PRDM9: variants seen among roughly 807,000 people sequenced by gnomAD.
PRDM9 encodes the protein histone-lysine N-methyltransferase PRDM9.
A neutral mutation model predicts 55.6 loss-of-function variants in PRDM9; 47 were observed. The observed-to-expected ratio is 0.85, with a 90% CI of 0.67 to 1.08. PRDM9 has a LOEUF of 1.08. Ranked by LOEUF, PRDM9 falls within the 50% of genes least tolerant of loss-of-function variation. The pLI, the probability that PRDM9 is intolerant of heterozygous loss-of-function variation, is 0.00. For missense variants in PRDM9, 867 were observed against 1,040.3 expected (o/e 0.83, Z 2.29); for synonymous variants, 312 against 375.7 (o/e 0.83, Z 1.96).
intron 9 of PRDM9, 42 bp from the exon 10 acceptor site, chr5:23,524,292 C>T (rs750831409): frequency 6.2e-7 from 1 of 1,601,696 alleles, no homozygotes; most frequent in South Asian, 1.1e-5. Flanking sequence ...ATACTGGGAA[C>T]TCACTGCCTC....
chr5:23,507,570 A>G (rs1337580083), upstream of PRDM9: 1 of 152,354 alleles, frequency 6.6e-6, no homozygotes. Context: ...TGGCAGCTGT[A>G]CAGCCTGGCA....
chr5:23,511,289 C>T (rs144882458), intron 4 of PRDM9, among the ~76,000 whole-genome samples: 30 of 152,278 alleles, frequency 2.0e-4, no homozygotes, highest in African/African-American at 6.0e-4. Context: ...AAATGCAAGA[C>T]AGTATATACA....
In PRDM9 at chr5:23,527,886, T is replaced by C. The variant is rs944556562; in HGVS notation, c.*113T>C. On this transcript the variant is annotated 3_prime_UTR_variant, in exon 11 of 11. Transcript: ENST00000296682. The stretch of plus-strand genomic sequence containing the variant: ...TCAGCGGAAGTCTGCTGACCCCTTA[T>C]ATTCCCCGAGAGTATAAAGAGATCG... 5.6e-5 allele frequency: 73 copies of C among 1,314,280 alleles called. No homozygotes were observed. The African/African-American group carries it at 9.8e-4, about 18-fold the overall frequency. 81.4% of individuals were successfully genotyped at this position (1,314,280 alleles called of 1,614,324 possible). A position where few individuals can be genotyped will look rare whatever the true frequency, so the allele number is the denominator to read the frequency against.
intron 5 of PRDM9, among the ~76,000 whole-genome samples, chr5:23,520,364 C>CAAAAAAAAA (rs59333354): frequency 2.2e-5 from 1 of 44,568 alleles, no homozygotes; most frequent in Admixed American, 2.4e-4. Flanking sequence ...GACTCCTTCT[C>CAAAAAAAAA]AAAAAAAAAA....
chr5:23,526,376 C>T lies in PRDM9; in HGVS notation c.1288C>T (p.Pro430Ser), dbSNP rs1579596447. 1.9e-6 allele frequency: 3 copies of T among 1,614,222 alleles called. No individual in the cohort carries two copies. The highest frequency in any genetic ancestry group is 4.5e-5 in the East Asian group (2 of 44,870). Residue 430 changes from proline to serine, a missense_variant, in exon 11 of 11, where the codon CCC becomes TCC. Around this residue, in one of 5 missense-constraint regions of PRDM9, gnomAD observed 662 missense variants for 711.9 expected, o/e 0.93. Coordinates refer to ENST00000296682, the MANE Select transcript of PRDM9 (RefSeq NM_020227.4). ...SARKLLQPEN[P>S]CPGDQNQEQQ... ...AAGAAAACTCCTCCAACCAGAGAAT[C>T]CCTGCCCAGGGGATCAGAATCAGGA... is the stretch of plus-strand genomic sequence containing the variant.
At chr5:23,520,364 C>CAAA (rs59333354) in intron 5 of PRDM9, among the ~76,000 whole-genome samples, 39 of 44,374 alleles carry the variant, frequency 8.8e-4, no homozygotes, top group East Asian at 1.4e-3. Flanking sequence ...GACTCCTTCT[C>CAAA]AAAAAAAAAA....
At position 23,526,550 on chromosome 5, in the gene PRDM9, A is replaced by G; in HGVS notation, c.1462A>G (p.Arg488Gly). The G allele has an allele frequency of 6.2e-7, 1 of 1,614,240 alleles. No homozygotes were observed. Among genetic ancestry groups the G allele is most frequent in the Non-Finnish European group, 8.5e-7 (1 of 1,180,038 alleles). ...ACCCAAAGGACAAATGGGGAGCTGT[A>G]GAGTGGGAAAAAGAATAATGGAAGA... Reference protein sequence around the residue: ...SPPKGQMGSCRVGKRIMEEES... With the variant: ...SPPKGQMGSCGVGKRIMEEES... Residue 488 changes from arginine (R) to glycine (G), a missense_variant, in exon 11 of 11, where the codon AGA (arginine) becomes GGA (glycine). Physicochemically the swap from Arg to Gly is moderately radical, Grantham distance 125. Coordinates refer to ENST00000296682, the MANE Select transcript of PRDM9 (RefSeq NM_020227.4).
rs1446908332 is a variant in PRDM9 at position 23,522,715 on chromosome 5, T to G, written c.712T>G (p.Ser238Ala). 3 of 1,614,202 alleles carry G rather than the reference T, an allele frequency of 1.9e-6. No homozygotes were observed. In the East Asian group the frequency reaches 6.7e-5, roughly 36 times the overall value. ...SAVDKGHPNR[S>A]ALSLPPGLRI... Reference sequence around the variant, plus strand: ...AGTGGACAAGGGGCACCCCAACCGTTCAGCCCTCAGTCTGCCCCCAGGGCT... The same window carrying G: ...AGTGGACAAGGGGCACCCCAACCGTGCAGCCCTCAGTCTGCCCCCAGGGCT... The change falls in exon 8 of 11, where the codon TCA becomes GCA. Residue 238 changes from serine to alanine, a missense_variant. Transcript: ENST00000296682.
At chr5:23,508,445 C>A (rs535289943) in intron 1 of PRDM9, among the ~76,000 whole-genome samples, 1 of 152,294 alleles carries the variant, frequency 6.6e-6, no homozygotes, top group African/African-American at 2.4e-5. Context: ...CAAATCTCAA[C>A]CTGAGAAATA....
rs1482997804 is a variant in PRDM9, at chr5:23,527,653, A to G, written c.2565A>G (p.Thr855=). 2 of 1,519,606 alleles carry G rather than the reference A, an allele frequency of 1.3e-6. No individual in the cohort carries two copies. Among genetic ancestry groups the G allele is most frequent in the Admixed American group, 3.7e-5 (2 of 54,086 alleles). 94.1% of individuals were successfully genotyped at this position (1,519,606 alleles called of 1,614,324 possible). Residue 855 remains threonine (T), a synonymous_variant, in exon 11 of 11, where the codon ACA becomes ACG. Coordinates refer to ENST00000296682, the MANE Select transcript of PRDM9 (RefSeq NM_020227.4). ...TCCTCAGACACCAGAGGACACACACAGGGGAGAAGCCCTACGTCTGCAGGG... is the reference window on the plus strand; with the variant it reads ...TCCTCAGACACCAGAGGACACACACGGGGGAGAAGCCCTACGTCTGCAGGG... ...SHLLRHQRTH[T]GEKPYVCREC... is the part of the protein sequence containing the mutation.
At position 23,509,101 on chromosome 5, in the gene PRDM9, T is replaced by C; in HGVS notation, c.68T>C (p.Met23Thr). ...EDTERTERKP[M>T]VKDAFKDISI... is the part of the protein sequence containing the mutation. ...ACAGAGAGAACAGAGCGGAAGCCCA[T>C]GGTGAGAAGTGGAGGAAGCGAAGCT... Residue 23 changes from methionine to threonine, a missense_variant and splice_region_variant, in exon 2 of 11, where the codon ATG becomes ACG. Transcript: ENST00000296682. The C allele has an allele frequency of 1.9e-6, 3 of 1,613,888 alleles. No homozygotes were observed. The highest frequency in any genetic ancestry group is 2.5e-6 in the Non-Finnish European group (3 of 1,179,924).
intron 2 of PRDM9, 81 bp downstream of exon 2, chr5:23,509,183 G>T: frequency 6.4e-7 from 1 of 1,565,570 alleles, no homozygotes; most frequent in East Asian, 2.3e-5. Flanking sequence ...CTGTACCCTT[G>T]GGGGACCCTA....
chr5:23,522,383 G>C lies in PRDM9; in HGVS notation c.588G>C (p.Glu196Asp). The C allele has an allele frequency of 6.2e-7, 1 of 1,614,072 alleles. No individual in the cohort carries two copies. The highest frequency in any genetic ancestry group is 1.1e-5 in the South Asian group (1 of 91,080). The change falls in exon 7 of 11, where the codon GAG (glutamate) becomes GAC (aspartate). Residue 196 changes from glutamate (E) to aspartate (D), a missense_variant. Physicochemically the swap from Glu to Asp is conservative, Grantham distance 45. This residue lies in a region of PRDM9 where 662 missense variants were observed against 711.9 expected (regional missense o/e 0.93). Transcript: ENST00000296682. The part of the protein sequence containing the change: ...RKGHAYKEVS[E>D]PQDDDYLYCE... ...GTCATGCATACAAAGAGGTCAGCGA[G>C]CCGCAGGATGATGATTACCTCTGTA...
At chr5:23,519,447 T>C (rs1470288907) in intron 5 of PRDM9, among the ~76,000 whole-genome samples, 1 of 151,788 alleles carries the variant, frequency 6.6e-6, no homozygotes. Flanking sequence ...CGGCTCACTT[T>C]AACCTCCCCC....
chr5:23,520,352 G>A (rs1329066108), intron 5 of PRDM9, among the ~76,000 whole-genome samples: 15 of 130,184 alleles, frequency 1.2e-4, no homozygotes, highest in South Asian at 2.5e-4. Flanking sequence ...GCAACAGAGC[G>A]AGACTCCTTC....
intron 6 of PRDM9, 40 bp downstream of exon 6, chr5:23,521,219 TC>T: frequency 1.2e-6 from 2 of 1,608,602 alleles, no homozygotes; most frequent in Non-Finnish European, 1.7e-6. Context: ...TCCCTCTATG[TC>T]CTCTAGAAAG....
At chr5:23,524,198 G>A (rs1739386865) in intron 9 of PRDM9, 136 bp from the exon 10 acceptor site, 1 of 1,132,266 alleles carries the variant, frequency 8.8e-7, no homozygotes, top group South Asian at 1.3e-5. Flanking sequence ...ATGAGCAGAA[G>A]GTTCCCGGAG....
intron 10 of PRDM9, among the ~76,000 whole-genome samples, chr5:23,525,984 G>A (rs1483448585): frequency 6.6e-6 from 1 of 152,132 alleles, no homozygotes; most frequent in African/African-American, 2.4e-5. Context: ...CCCTGATGCT[G>A]GTTGAGGTTA....
At chr5:23,515,121 G>A (rs534895051) in intron 4 of PRDM9, among the ~76,000 whole-genome samples, 28 of 151,738 alleles carry the variant, frequency 1.8e-4, no homozygotes, top group African/African-American at 1.5e-4. Context: ...ATACCACCAC[G>A]CCCAGCTAAT....
Sources: gnomAD v4.1 joint callset for allele counts (sites outside exome capture counted in the v4.1 genomes callset) on GRCh38, gnomAD v4.1.1 for gene constraint, gnomAD v4.1.1 regional missense constraint, MANE v1.5 for transcripts, NCBI Gene and HGNC (gene_info 2026-07-23, HGNC 2026-07-21) for gene names.